ERBIN: variants seen among roughly 807,000 people sequenced by gnomAD.
The protein encoded by ERBIN is densin-180-like protein.
A neutral mutation model predicts 158.4 loss-of-function variants in ERBIN; 60 were observed. The ratio of observed to expected loss-of-function variants is 0.38; its 90% CI spans 0.31 to 0.47. ERBIN has a LOEUF of 0.47. ERBIN is among the 20% of genes least tolerant of loss of function. ERBIN has a pLI of 0.99. For synonymous variants in ERBIN, 594 were observed against 557.2 expected (o/e 1.07, Z -0.93); for missense variants, 1,610 against 1,648.0 (o/e 0.98, Z 0.40).
At position 66,012,134 on chromosome 5, in the gene ERBIN, T is replaced by A; in HGVS notation, c.386+7T>A. 1 of 1,549,786 alleles carries A rather than the reference T, an allele frequency of 6.5e-7. No homozygotes were observed. Among genetic ancestry groups the A allele is most frequent in the Non-Finnish European group, 8.8e-7 (1 of 1,140,384 alleles). On this transcript the variant is annotated splice_region_variant and intron_variant, in intron 5 of 25. Coordinates refer to ENST00000284037, the MANE Select transcript of ERBIN (RefSeq NM_001253697.2). Reference sequence around the variant, plus strand: ...GTGTAAACCCTATTTCCAAGTAAGTTCTCAGGTGAATTATAAATTACTTTT... The same window carrying A: ...GTGTAAACCCTATTTCCAAGTAAGTACTCAGGTGAATTATAAATTACTTTT...
chr5:66,056,052 T>G (rs1759545143), intron 21 of ERBIN, among the ~76,000 whole-genome samples: 1 of 152,162 alleles, frequency 6.6e-6, no homozygotes, highest in Non-Finnish European at 1.5e-5. Context: ...ACTTGGAAAT[T>G]TCTTAAGCAG....
intron 14 of ERBIN, among the ~76,000 whole-genome samples, chr5:66,035,581 T>C (rs767096324): frequency 1.4e-4 from 21 of 152,214 alleles, no homozygotes; most frequent in Admixed American, 2.0e-4. Flanking sequence ...TCCAGTACCA[T>C]AGCCACTAGT....
intron 21 of ERBIN, among the ~76,000 whole-genome samples, chr5:66,058,459 C>T (rs1759874379): frequency 2.6e-5 from 4 of 151,608 alleles, no homozygotes; most frequent in African/African-American, 9.8e-5. Flanking sequence ...GAGTAGGTTG[C>T]AAAAATTTTC....
At chr5:65,977,865 C>A (rs910159998) in intron 1 of ERBIN, among the ~76,000 whole-genome samples, 3 of 151,914 alleles carry the variant, frequency 2.0e-5, no homozygotes, top group African/African-American at 7.3e-5. Flanking sequence ...AGCCTGGGCA[C>A]CATTGAGCAC....
chr5:66,004,333 A>G (rs1734651972), intron 4 of ERBIN, among the ~76,000 whole-genome samples: 1 of 152,144 alleles, frequency 6.6e-6, no homozygotes, highest in African/African-American at 2.4e-5. Context: ...CAGATAGTTG[A>G]CAGAGAATTA....
intron 1 of ERBIN, among the ~76,000 whole-genome samples, chr5:65,942,865 G>A (rs1745230073): frequency 6.7e-6 from 1 of 149,556 alleles, no homozygotes; most frequent in Admixed American, 6.7e-5. Flanking sequence ...CTGAGGTCAC[G>A]CCAGTGCACT....
intron 1 of ERBIN, among the ~76,000 whole-genome samples, chr5:65,962,534 A>G (rs1748037656): frequency 1.3e-5 from 2 of 152,220 alleles, no homozygotes; most frequent in Admixed American, 6.5e-5. Context: ...AGTGTGTTAA[A>G]TAATGGTATA....
chr5:66,006,564 GCTT>G (rs900825762), intron 4 of ERBIN, among the ~76,000 whole-genome samples: 3 of 152,102 alleles, frequency 2.0e-5, no homozygotes, highest in African/African-American at 7.2e-5. Context: ...AAACTAAAGA[GCTT>G]CTGCACAGCA....
chr5:65,967,554 A>G (rs777862158), intron 1 of ERBIN, among the ~76,000 whole-genome samples: 1 of 152,164 alleles, frequency 6.6e-6, no homozygotes. Flanking sequence ...GCTACACCAT[A>G]TAGCCTAGAG....
At position 65,967,267 on chromosome 5, in the gene ERBIN, C is replaced by T. The variant is rs551911799; in HGVS notation, c.-57-21368C>T. Among the ~76,000 whole-genome samples, 5 of 152,062 alleles carry T rather than the reference C, an allele frequency of 3.3e-5. No individual in the cohort carries two copies. The South Asian group carries it at 1.0e-3, about 32-fold the overall frequency. ...AAAAATTTTAAATAAATTTACATAG[C>T]CTAAGTGTTTATAAAGTCTGCAGTA... On this transcript the variant is annotated intron_variant, in intron 1 of 25. Coordinates refer to ENST00000284037, the MANE Select transcript of ERBIN (RefSeq NM_001253697.2).
intron 1 of ERBIN, among the ~76,000 whole-genome samples, chr5:65,952,144 A>C (rs2150926066): frequency 6.6e-6 from 1 of 152,264 alleles, no homozygotes; most frequent in East Asian, 1.9e-4. Flanking sequence ...AAAACACAGG[A>C]TACTCTTATT....
At chr5:65,947,455 A>G (rs1052969377) in intron 1 of ERBIN, among the ~76,000 whole-genome samples, 1 of 152,158 alleles carries the variant, frequency 6.6e-6, no homozygotes, top group Non-Finnish European at 1.5e-5. Flanking sequence ...AGCTTCATTG[A>G]TTATTATTTT....
At chr5:66,063,399 T>C (rs972886296) in intron 21 of ERBIN, among the ~76,000 whole-genome samples, 7 of 152,208 alleles carry the variant, frequency 4.6e-5, no homozygotes, top group Admixed American at 1.3e-4. Flanking sequence ...AAGCGCAGTA[T>C]TAGGGCAGGA....
At chr5:66,075,730 G>T (rs1164208567) in intron 23 of ERBIN, among the ~76,000 whole-genome samples, 1 of 152,088 alleles carries the variant, frequency 6.6e-6, no homozygotes, top group Non-Finnish European at 1.5e-5. Context: ...CATTTTGGTT[G>T]TGTCTCTGGT....
intron 1 of ERBIN, among the ~76,000 whole-genome samples, chr5:65,973,195 T>A (rs1388785588): frequency 1.3e-5 from 2 of 150,704 alleles, no homozygotes; most frequent in Non-Finnish European, 2.9e-5. Flanking sequence ...TAGGTGGGAA[T>A]TGAACAGTGA....
intron 19 of ERBIN, 103 bp downstream of exon 19, chr5:66,048,884 T>G (rs772891878): frequency 2.3e-5 from 15 of 655,658 alleles, no homozygotes; most frequent in Middle Eastern, 8.1e-4. Context: ...TGATACATTT[T>G]AGAAACAAAT....
At chr5:65,967,948 G>GTT (rs1748846521) in intron 1 of ERBIN, among the ~76,000 whole-genome samples, 1 of 152,176 alleles carries the variant, frequency 6.6e-6, no homozygotes, top group Non-Finnish European at 1.5e-5. Flanking sequence ...CAAGTGGCTG[G>GTT]TTTCAGAGGG....
chr5:65,947,572 A>T (rs1001860774), intron 1 of ERBIN, among the ~76,000 whole-genome samples: 1 of 152,226 alleles, frequency 6.6e-6, no homozygotes, highest in Non-Finnish European at 1.5e-5. Flanking sequence ...GAAGAAATAC[A>T]TTACTTTTAA....
chr5:65,984,094 G>A (rs73762641), intron 1 of ERBIN, among the ~76,000 whole-genome samples: 2 of 152,188 alleles, frequency 1.3e-5, no homozygotes, highest in African/African-American at 2.4e-5. Flanking sequence ...GGACCAGATC[G>A]TCTCCATGGA....
Sources: gnomAD v4.1 joint callset for allele counts (sites outside exome capture counted in the v4.1 genomes callset) on GRCh38, gnomAD v4.1.1 for gene constraint, MANE v1.5 for transcripts, NCBI Gene and HGNC (gene_info 2026-07-23, HGNC 2026-07-21) for gene names.